Variants in IQGAP3 observed in about 807,000 individuals in gnomAD.
IQGAP3 encodes the protein ras GTPase-activating-like protein IQGAP3.
IQGAP3 carries 165 observed loss-of-function variants against 208.2 expected under a neutral mutation model. That is an observed-to-expected ratio of 0.79 (90% CI 0.70 to 0.90). The LOEUF (loss-of-function observed/expected upper bound fraction) is 0.90, where lower values mean the gene tolerates loss of function less well. IQGAP3 is among the 40% of genes least tolerant of loss of function. The probability of loss-of-function intolerance (pLI) is 0.00; values close to 1 mark genes in which losing one functional copy is unlikely to be tolerated. For missense variants in IQGAP3, 1,811 were observed against 2,043.1 expected, an observed-to-expected ratio of 0.89 and a Z score of 2.19; for synonymous variants, 703 against 803.6, an observed-to-expected ratio of 0.87 and a Z score of 2.12.
At chr1:156,566,658 C>T (rs1676412807) in intron 2 of IQGAP3, 112 bp from the exon 3 acceptor site, 1 of 963,988 alleles carries the variant, frequency 1.0e-6, no homozygotes, top group African/African-American at 1.6e-5. Flanking sequence ...CCCTCCTCTG[C>T]TTCCTGTTCC....
chr1:156,528,663 A>G, intron 35 of IQGAP3, 53 bp from the exon 36 acceptor site: 1 of 1,442,506 alleles, frequency 6.9e-7, no homozygotes, highest in Non-Finnish European at 9.6e-7. Flanking sequence ...TTACCACCAA[A>G]GAAACTTGTT....
intron 1 of IQGAP3, among the ~76,000 whole-genome samples, chr1:156,571,396 T>C (rs1170603402): frequency 6.6e-6 from 1 of 152,204 alleles, no homozygotes; most frequent in Non-Finnish European, 1.5e-5. Context: ...ATATTGCATA[T>C]TCTGCAATGA....
chr1:156,568,967 G>A (rs928609400), intron 2 of IQGAP3, among the ~76,000 whole-genome samples: 15 of 152,016 alleles, frequency 9.9e-5, no homozygotes, highest in Non-Finnish European at 1.8e-4. Flanking sequence ...GGGCTGCTCT[G>A]GATTAAAGAA....
At position 156,563,524 on chromosome 1, in the gene IQGAP3, CTCCTGGCAGGGCAGAGCCTAG is replaced by C; in HGVS notation, c.619+8_619+28del. The C allele has an allele frequency of 2.5e-6, 4 of 1,583,140 alleles. No individual in the cohort carries two copies. The South Asian group carries it at 4.5e-5, about 18-fold the overall frequency. On this transcript the variant is annotated splice_region_variant and intron_variant, in intron 7 of 37. Transcript: ENST00000361170. ...AGCCCTCCCATACGCATTGAGCCTA[CTCCTGGCAGGGCAGAGCCTAG>C]TCCTTACCTGCAGCCTCATCCACCG...
rs772386303 is a variant in IQGAP3 at position 156,526,449 on chromosome 1, G to C, written c.*37C>G. Reference sequence around the variant, plus strand: ...GTTAGTGTTAAAGAAAGCATCCAGAGAGGTAAGAGGGGCTTGGGTAGCACC... The same window carrying C: ...GTTAGTGTTAAAGAAAGCATCCAGACAGGTAAGAGGGGCTTGGGTAGCACC... On this transcript the variant is annotated 3_prime_UTR_variant, in exon 38 of 38. Transcript: ENST00000361170. The C allele has an allele frequency of 7.8e-7, 1 of 1,287,182 alleles. No homozygotes were observed. Among genetic ancestry groups the C allele is most frequent in the Non-Finnish European group, 1.1e-6 (1 of 882,226 alleles). The allele number at this position is 1,287,182 out of a possible 1,614,324, so 79.7% of individuals were successfully genotyped here. A position where few individuals can be genotyped will look rare whatever the true frequency, so the allele number is the denominator to read the frequency against.
At chr1:156,552,164 G>A in intron 13 of IQGAP3, 69 bp from the exon 14 acceptor site, 1 of 1,569,578 alleles carries the variant, frequency 6.4e-7, no homozygotes, top group Non-Finnish European at 8.7e-7. Flanking sequence ...AGGGGAAACA[G>A]TTGAACGATT....
In IQGAP3 at chr1:156,553,654, T is replaced by C. The variant is rs1391371857; in HGVS notation, c.1448+581A>G. Among the ~76,000 whole-genome samples the C allele has an allele frequency of 2.0e-5, 3 of 149,484 alleles. No individual in the cohort carries two copies. The Admixed American group carries it at 2.0e-4, about 10-fold the overall frequency. On this transcript the variant is annotated intron_variant, in intron 13 of 37. Coordinates refer to ENST00000361170, the MANE Select transcript of IQGAP3 (RefSeq NM_178229.5). ...TGGAGTGCAATGGTGCGATCTCGGCTCAACACAACCTCCACCTCCCAGGTT... is the reference window on the plus strand; with the variant it reads ...TGGAGTGCAATGGTGCGATCTCGGCCCAACACAACCTCCACCTCCCAGGTT...
At position 156,539,447 on chromosome 1, in the gene IQGAP3, T is replaced by C; in HGVS notation, c.2983A>G (p.Asn995Asp). ...FMEAVIFSLYNYASSRREAYL... is the reference protein window; with the variant it reads ...FMEAVIFSLYDYASSRREAYL... ...GCCTCTCGGCGGCTGGAGGCATAGT[T>C]GTACAGGCTGAAAATCACTGCCTCC... The change falls in exon 25 of 38, where the codon AAC becomes GAC. Residue 995 changes from asparagine (N) to aspartate (D), a missense_variant. Transcript: ENST00000361170. 1.2e-6 allele frequency: 2 copies of C among 1,614,156 alleles called. No individual in the cohort carries two copies. The highest frequency in any genetic ancestry group is 1.1e-5 in the South Asian group (1 of 91,080).
intron 12 of IQGAP3, among the ~76,000 whole-genome samples, chr1:156,555,600 T>C (rs1356217730): frequency 6.6e-6 from 1 of 152,218 alleles, no homozygotes; most frequent in Non-Finnish European, 1.5e-5. Context: ...TTTACTTTCT[T>C]CTCTAAGGTT....
In IQGAP3 at chr1:156,554,408, G is replaced by A. The variant is rs759082562; in HGVS notation, c.1291-16C>T. The A allele has an allele frequency of 1.2e-5, 19 of 1,583,532 alleles. No homozygotes were observed. Among genetic ancestry groups the A allele is most frequent in the Non-Finnish European group, 1.5e-5 (18 of 1,166,802 alleles). ...GGCCAAGCTCCTACAATGGGTGGGAGGGCCAATTCCCAAGTGGGCAGGTGA... is the reference window on the plus strand; with the variant it reads ...GGCCAAGCTCCTACAATGGGTGGGAAGGCCAATTCCCAAGTGGGCAGGTGA... On this transcript the variant is annotated splice_polypyrimidine_tract_variant and intron_variant, in intron 12 of 37. Transcript: ENST00000361170.
intron 28 of IQGAP3, 73 bp downstream of exon 28, chr1:156,535,090 T>A (rs1674627535): frequency 8.9e-7 from 1 of 1,123,422 alleles, no homozygotes; most frequent in East Asian, 2.4e-5. Context: ...TGTTTTTGTC[T>A]CAGTCTGGGG....
intron 4 of IQGAP3, 79 bp from the exon 5 acceptor site, chr1:156,564,770 G>C: frequency 1.0e-6 from 1 of 992,534 alleles, no homozygotes; most frequent in Non-Finnish European, 1.6e-6. Flanking sequence ...GCCGAGGAAT[G>C]GGTCTTCCTC....
rs545066762 is a variant in IQGAP3, at chr1:156,542,262, G to A, written c.2531-1346C>T. On this transcript the variant is annotated intron_variant, in intron 22 of 37. Coordinates refer to ENST00000361170, the MANE Select transcript of IQGAP3 (RefSeq NM_178229.5). ...TGGAATTCAGTGGCATGATCTCAGC[G>A]ACTTGCAACCTCTGCTTCCTGGGCT... Among the ~76,000 whole-genome samples the A allele has an allele frequency of 5.3e-5, 8 of 152,206 alleles. No homozygotes were observed. In the South Asian group the frequency reaches 8.3e-4, roughly 16 times the overall value.
At chr1:156,531,352 T>A in intron 32 of IQGAP3, 105 bp from the exon 33 acceptor site, 1 of 824,732 alleles carries the variant, frequency 1.2e-6, no homozygotes, top group Non-Finnish European at 2.1e-6. Flanking sequence ...CTCTATAGCA[T>A]GGCTGCTAGG....
rs764850400 is a variant in IQGAP3 at position 156,540,895 on chromosome 1, AGAG to A, written c.2549_2551del (p.Pro850del). 81 of 1,613,858 alleles carry A rather than the reference AGAG, an allele frequency of 5.0e-5. No homozygotes were observed. Among genetic ancestry groups the A allele is most frequent in the Non-Finnish European group, 6.8e-5 (80 of 1,179,960 alleles). On this transcript the variant is annotated inframe_deletion, in exon 23 of 38. Coordinates refer to ENST00000361170, the MANE Select transcript of IQGAP3 (RefSeq NM_178229.5). ...ATGGGCAAATCTGCGTACCACACTG[AGAG>A]GAGGGTGGGGTGCATGCACTGGGAG... is the stretch of plus-strand genomic sequence containing the variant.
chr1:156,551,365 C>T (rs908406489), intron 15 of IQGAP3, among the ~76,000 whole-genome samples: 7 of 152,200 alleles, frequency 4.6e-5, no homozygotes, highest in African/African-American at 1.7e-4. Flanking sequence ...TTTTCACCCT[C>T]ATTCTGGGAG....
At chr1:156,536,403 T>C (rs1023008534) in intron 27 of IQGAP3, among the ~76,000 whole-genome samples, 6 of 152,206 alleles carry the variant, frequency 3.9e-5, no homozygotes, top group Non-Finnish European at 8.8e-5. Context: ...ATCTCACTCA[T>C]ATGTGGAATC....
intron 2 of IQGAP3, 27 bp from the exon 3 acceptor site, chr1:156,566,573 G>T: frequency 6.2e-7 from 1 of 1,609,632 alleles, no homozygotes; most frequent in Non-Finnish European, 8.5e-7. Flanking sequence ...ACCTTCTCAC[G>T]CACTCTGGCA....
intron 21 of IQGAP3, 47 bp downstream of exon 21, chr1:156,544,105 T>C: frequency 6.2e-7 from 1 of 1,612,994 alleles, no homozygotes; most frequent in Non-Finnish European, 8.5e-7. Flanking sequence ...TCTAGTCTCA[T>C]GGGCAAAGGT....
Sources: allele counts gnomAD v4.1 joint callset (sites outside exome capture counted in the v4.1 genomes callset), GRCh38; gene constraint gnomAD v4.1.1; transcripts MANE v1.5; gene names NCBI Gene and HGNC (gene_info 2026-07-23, HGNC 2026-07-21).